The following GRIP1 variants were observed in gnomAD, a reference collection of about 807,000 sequenced individuals.
GRIP1 encodes glutamate receptor interacting protein 1.
Under a neutral mutation model 129.9 loss-of-function variants are expected in GRIP1, and 45 were observed. That is an observed-to-expected ratio of 0.35 (90% confidence interval 0.27 to 0.44). The LOEUF is 0.44. Among genes scored for constraint, GRIP1 ranks in the 20% least tolerant of loss-of-function variants. The pLI is 1.00. For synonymous variants in GRIP1, 530 were observed against 520.8 expected, an observed-to-expected ratio of 1.02 and a Z score of -0.24; for missense variants, 1,196 against 1,396.8, an observed-to-expected ratio of 0.86 and a Z score of 2.29.
chr12:66,505,006 G>T (rs368118705), intron 7 of GRIP1, among the ~76,000 whole-genome samples: 17 of 152,184 alleles, frequency 1.1e-4, no homozygotes, highest in East Asian at 9.7e-4. Flanking sequence ...TCCCATGACA[G>T]GCAGAATTTC....
chr12:66,422,995 A>G lies in GRIP1; in HGVS notation c.1769-2206T>C, dbSNP rs1348123393. On this transcript the variant is annotated intron_variant, in intron 14 of 24. Coordinates refer to ENST00000359742, the MANE Select transcript of GRIP1 (RefSeq NM_001366722.1). ...TTTTAATTTTCTACTACCTAAGAATAAATCACAAACCAAGCATGCTTTGCT... is the reference window on the plus strand; with the variant it reads ...TTTTAATTTTCTACTACCTAAGAATGAATCACAAACCAAGCATGCTTTGCT... Among the ~76,000 whole-genome samples, 4 of 152,352 alleles carry G rather than the reference A, an allele frequency of 2.6e-5. No homozygotes were observed. In the East Asian group the frequency reaches 7.7e-4, roughly 29 times the overall value.
At chr12:66,998,517 C>T (rs574298425) in intron 1 of GRIP1, among the ~76,000 whole-genome samples, 1 of 152,186 alleles carries the variant, frequency 6.6e-6, no homozygotes, top group South Asian at 2.1e-4. Flanking sequence ...CTAAGAATTG[C>T]CTGGAATCCC....
At chr12:66,533,575 G>C (rs1488743450) in intron 4 of GRIP1, among the ~76,000 whole-genome samples, 1 of 152,034 alleles carries the variant, frequency 6.6e-6, no homozygotes, top group Non-Finnish European at 1.5e-5. Flanking sequence ...AATCTGAGAG[G>C]TGGAGGTTGC....
At chr12:66,968,620 T>C (rs767486314) in intron 1 of GRIP1, among the ~76,000 whole-genome samples, 12 of 152,140 alleles carry the variant, frequency 7.9e-5, no homozygotes, top group Non-Finnish European at 1.8e-4. Context: ...TCATGTGTAG[T>C]TCAGATAACT....
intron 1 of GRIP1, among the ~76,000 whole-genome samples, chr12:66,946,803 T>TGGGGGGGGGGGGG (rs1160685222): frequency 8.0e-4 from 5 of 6,234 alleles, no homozygotes; most frequent in African/African-American, 1.3e-3. Context: ...GTGTGGGGGC[T>TGGGGGGGGGGGGG]GGGGGGGGCG....
At chr12:66,967,577 A>G (rs989163348) in intron 1 of GRIP1, among the ~76,000 whole-genome samples, 2 of 152,050 alleles carry the variant, frequency 1.3e-5, no homozygotes, top group Non-Finnish European at 1.5e-5. Flanking sequence ...GGGTCTCACT[A>G]TGTTGTTCAG....
chr12:66,366,076 G>A (rs1018676368), intron 23 of GRIP1, among the ~76,000 whole-genome samples: 6 of 152,138 alleles, frequency 3.9e-5, no homozygotes, highest in Admixed American at 3.3e-4. Flanking sequence ...AAGGGTGGTA[G>A]ACAAAAACAA....
chr12:66,379,538 A>T, intron 19 of GRIP1, 102 bp from the exon 20 acceptor site: 1 of 1,111,834 alleles, frequency 9.0e-7, no homozygotes, highest in Non-Finnish European at 1.4e-6. Context: ...AACGGCAATG[A>T]CAATAACAAT....
chr12:66,413,475 T>A (rs952793046), intron 15 of GRIP1, among the ~76,000 whole-genome samples: 1 of 152,010 alleles, frequency 6.6e-6, no homozygotes, highest in African/African-American at 2.4e-5. Flanking sequence ...ACCAAAAAAA[T>A]CCCAGGACCA....
chr12:66,626,897 A>G (rs1045183181), intron 1 of GRIP1: 8 of 152,278 alleles, frequency 5.3e-5, no homozygotes, highest in African/African-American at 1.9e-4. Flanking sequence ...TCATGCTCTC[A>G]TGCTCTCTGA....
In GRIP1 at chr12:66,377,261, T is replaced by C; in HGVS notation, c.2646A>G (p.Ala882=). 4.3e-6 allele frequency: 7 copies of C among 1,613,012 alleles called. No homozygotes were observed. Among genetic ancestry groups the C allele is most frequent in the Non-Finnish European group, 5.9e-6 (7 of 1,178,952 alleles). The change falls in exon 21 of 25, where the codon GCA becomes GCG. Residue 882 remains alanine (A), a synonymous_variant. Coordinates refer to ENST00000359742, the MANE Select transcript of GRIP1 (RefSeq NM_001366722.1). ...AGAAGTTCTCCTCTTGTTCTGTCTC[T>C]GCACTATCGGCAGCCCCTGCAAAAC... ...ASGFAGAADS[A]ETEQEENFWS... is the part of the protein sequence containing the mutation.
chr12:66,693,611 T>C (rs2035053584), intron 1 of GRIP1, among the ~76,000 whole-genome samples: 1 of 152,154 alleles, frequency 6.6e-6, no homozygotes, highest in East Asian at 1.9e-4. Context: ...TCTGAGAATA[T>C]GATTTTACTG....
At chr12:67,025,594 C>T (rs2042931216) in intron 1 of GRIP1, among the ~76,000 whole-genome samples, 1 of 152,194 alleles carries the variant, frequency 6.6e-6, no homozygotes, top group Non-Finnish European at 1.5e-5. Context: ...TTCATATGTT[C>T]ATTACCTTTA....
intron 20 of GRIP1, among the ~76,000 whole-genome samples, chr12:66,377,953 AAG>A (rs2137362577): frequency 8.0e-6 from 1 of 124,526 alleles, no homozygotes; most frequent in East Asian, 2.8e-4. Context: ...ATTTTTCTCT[AAG>A]AGAGAAACAT....
chr12:66,594,067 CAAAAAAAAAAAAA>C (rs10661389), intron 2 of GRIP1, among the ~76,000 whole-genome samples: 3 of 52,930 alleles, frequency 5.7e-5, no homozygotes, highest in Non-Finnish European at 9.4e-5. Context: ...GACTCCGTCT[CAAAAAAAAAAAAA>C]AAAAAAAAAA....
chr12:66,562,729 C>T (rs2062583758), intron 2 of GRIP1, among the ~76,000 whole-genome samples: 1 of 152,056 alleles, frequency 6.6e-6, no homozygotes, highest in Admixed American at 6.6e-5. Context: ...GTTAGATGCA[C>T]CATCACCCCC....
At chr12:66,927,558 C>A (rs1006922198) in intron 1 of GRIP1, among the ~76,000 whole-genome samples, 2 of 152,198 alleles carry the variant, frequency 1.3e-5, no homozygotes, top group Admixed American at 6.5e-5. Context: ...TTCAGTCCCT[C>A]TCTGTTTCCA....
intron 1 of GRIP1, among the ~76,000 whole-genome samples, chr12:66,647,514 T>G (rs138833510): frequency 1.3e-5 from 2 of 152,336 alleles, no homozygotes; most frequent in African/African-American, 4.8e-5. Context: ...ACAGAGGCAA[T>G]GGGTTCCAGG....
chr12:66,420,701 G>GA lies in GRIP1; in HGVS notation c.1838+18dup, dbSNP rs746511579. 6 of 1,370,938 alleles carry GA rather than the reference G, an allele frequency of 4.4e-6. No homozygotes were observed. Among genetic ancestry groups the GA allele is most frequent in the African/African-American group, 2.8e-5 (2 of 71,046 alleles). 84.9% of individuals were successfully genotyped at this position (1,370,938 alleles called of 1,614,324 possible). ...TTAAGAGAGGCCTTAAAATGAATCA[G>GA]AAAATCCATTTTCCTTACCTGTGTG... On this transcript the variant is annotated intron_variant, in intron 15 of 24. Transcript: ENST00000359742.
Sources: allele counts gnomAD v4.1 joint callset (sites outside exome capture counted in the v4.1 genomes callset), GRCh38; gene constraint gnomAD v4.1.1; transcripts MANE v1.5; gene names NCBI Gene and HGNC (gene_info 2026-07-23, HGNC 2026-07-21).